CNTN4: variants seen among roughly 807,000 people sequenced by gnomAD.
CNTN4 encodes contactin-4.
In CNTN4, 77 loss-of-function variants were observed where a neutral mutation model predicts 122.5. The ratio of observed to expected loss-of-function variants is 0.63; its 90% CI spans 0.52 to 0.76. CNTN4 has a LOEUF of 0.76. CNTN4 is among the 30% of genes least tolerant of loss of function. The pLI, the probability that CNTN4 is intolerant of heterozygous loss-of-function variation, is 0.00. For missense variants in CNTN4, 1,256 were observed against 1,259.1 expected, an observed-to-expected ratio of 1.00 and a Z score of 0.04; for synonymous variants, 512 against 447.0, an observed-to-expected ratio of 1.15 and a Z score of -1.83.
intron 4 of CNTN4, among the ~76,000 whole-genome samples, chr3:2,700,070 G>A (rs1013699198): frequency 3.3e-5 from 5 of 152,034 alleles, no homozygotes; most frequent in African/African-American, 1.2e-4. Context: ...TTCACGAAGT[G>A]CATGCACTAC....
At chr3:2,335,584 GTTT>G (rs66498510) in intron 2 of CNTN4, among the ~76,000 whole-genome samples, 96,997 of 145,432 alleles carry the variant, frequency 0.67, 32,753 homozygotes, top group East Asian at 0.93. Flanking sequence ...AATTCTGTGG[GTTT>G]TTTTTTTTTT....
intron 13 of CNTN4, among the ~76,000 whole-genome samples, chr3:2,927,846 T>A (rs2094487543): frequency 6.6e-6 from 1 of 152,232 alleles, no homozygotes; most frequent in Non-Finnish European, 1.5e-5. Flanking sequence ...ATTTATCGCC[T>A]CCACCTTCTC....
chr3:2,337,080 A>C (rs960261294), intron 2 of CNTN4, among the ~76,000 whole-genome samples: 3 of 152,118 alleles, frequency 2.0e-5, no homozygotes, highest in Non-Finnish European at 4.4e-5. Flanking sequence ...ATTGTTTCAG[A>C]GGCCTTCTTG....
chr3:2,341,349 C>A (rs947395096), intron 3 of CNTN4, among the ~76,000 whole-genome samples: 3 of 152,096 alleles, frequency 2.0e-5, no homozygotes, highest in African/African-American at 7.2e-5. Context: ...ATTATCTTAC[C>A]CTCCCACTGT....
Position 3,040,167 on chromosome 3 carries a change from A to C in CNTN4, c.2294A>C (p.Glu765Ala). The C allele has an allele frequency of 6.2e-7, 1 of 1,614,218 alleles. No individual in the cohort carries two copies. Among genetic ancestry groups the C allele is most frequent in the South Asian group, 1.1e-5 (1 of 91,086 alleles). Reference sequence around the variant, plus strand: ...GCCTCTAGATACGTGTTCAGGAATGAGAGCGTGCACCCCTTCTCTCCCTTT... The same window carrying C: ...GCCTCTAGATACGTGTTCAGGAATGCGAGCGTGCACCCCTTCTCTCCCTTT... ...ADASRYVFRNESVHPFSPFEV... is the reference protein window; with the variant it reads ...ADASRYVFRNASVHPFSPFEV... The change falls in exon 20 of 25, where the codon GAG (glutamate) becomes GCG (alanine). Residue 765 changes from glutamate to alanine, a missense_variant. Coordinates refer to ENST00000418658, the MANE Select transcript of CNTN4 (RefSeq NM_175607.3).
intron 3 of CNTN4, among the ~76,000 whole-genome samples, chr3:2,548,224 G>T (rs2078329134): frequency 6.6e-6 from 1 of 152,072 alleles, no homozygotes; most frequent in Non-Finnish European, 1.5e-5. Context: ...ATTGCTTTTG[G>T]TGTTTTAGTC....
intron 4 of CNTN4, among the ~76,000 whole-genome samples, chr3:2,675,865 T>C (rs937422914): frequency 6.6e-6 from 1 of 152,220 alleles, no homozygotes; most frequent in African/African-American, 2.4e-5. Flanking sequence ...TTGTTTCTCA[T>C]ATCAACCTCA....
chr3:2,575,798 T>G (rs1185049821), intron 4 of CNTN4, among the ~76,000 whole-genome samples: 1 of 112,076 alleles, frequency 8.9e-6, no homozygotes, highest in Non-Finnish European at 1.7e-5. Flanking sequence ...ATATTTTGCT[T>G]TCTTCTTCTT....
chr3:2,930,843 G>A (rs1205139147), intron 13 of CNTN4, among the ~76,000 whole-genome samples: 5 of 152,140 alleles, frequency 3.3e-5, no homozygotes, highest in Non-Finnish European at 5.9e-5. Context: ...AGCCCTCACG[G>A]TGCTCATAGA....
intron 2 of CNTN4, among the ~76,000 whole-genome samples, chr3:2,253,723 C>G (rs747932895): frequency 1.6e-4 from 24 of 151,766 alleles, no homozygotes; most frequent in Non-Finnish European, 2.6e-4. Context: ...CTCACTGCAG[C>G]CTTAACCTCC....
intron 2 of CNTN4, among the ~76,000 whole-genome samples, chr3:2,139,898 T>C (rs1281098796): frequency 1.3e-5 from 2 of 152,250 alleles, no homozygotes; most frequent in African/African-American, 2.4e-5. Flanking sequence ...TTTGTCTGTG[T>C]ACCCACCCAA....
intron 2 of CNTN4, among the ~76,000 whole-genome samples, chr3:2,226,957 C>G (rs575644647): frequency 6.6e-6 from 1 of 152,096 alleles, no homozygotes; most frequent in South Asian, 2.1e-4. Context: ...GAAATTGAGG[C>G]ACAGAGTGTT....
chr3:2,169,518 T>C (rs564077606), intron 2 of CNTN4, among the ~76,000 whole-genome samples: 62 of 151,436 alleles, frequency 4.1e-4, no homozygotes, highest in Middle Eastern at 3.4e-3. Context: ...GCCATTCTCC[T>C]GCCTCAGCCT....
chr3:2,393,677 C>G (rs1284287840), intron 3 of CNTN4, among the ~76,000 whole-genome samples: 2 of 151,994 alleles, frequency 1.3e-5, no homozygotes, highest in Non-Finnish European at 2.9e-5. Context: ...TTACATAAAT[C>G]TTATGATGTT....
chr3:2,844,924 G>A (rs763915273), intron 7 of CNTN4, among the ~76,000 whole-genome samples: 5 of 152,130 alleles, frequency 3.3e-5, no homozygotes, highest in Admixed American at 6.5e-5. Flanking sequence ...GGTAGGCTAC[G>A]CTCAGGTGAA....
At chr3:2,325,512 C>T (rs976476532) in intron 2 of CNTN4, among the ~76,000 whole-genome samples, 2 of 152,200 alleles carry the variant, frequency 1.3e-5, no homozygotes, top group Non-Finnish European at 2.9e-5. Flanking sequence ...CCTGAGTCTT[C>T]ATCAAGTTCT....
At chr3:2,875,789 A>G (rs148188875) in intron 8 of CNTN4, among the ~76,000 whole-genome samples, 299 of 152,336 alleles carry the variant, frequency 2.0e-3, no homozygotes, top group African/African-American at 6.6e-3. Context: ...GTTTAGTTCA[A>G]TACAACATGG....
At chr3:2,299,018 CG>C (rs1553618753) in intron 2 of CNTN4, among the ~76,000 whole-genome samples, 2 of 152,092 alleles carry the variant, frequency 1.3e-5, no homozygotes, top group South Asian at 4.1e-4. Flanking sequence ...TTTCACCTGT[CG>C]GGGGGTTTTT....
At chr3:2,626,217 T>C (rs535642890) in intron 4 of CNTN4, among the ~76,000 whole-genome samples, 1 of 152,294 alleles carries the variant, frequency 6.6e-6, no homozygotes, top group South Asian at 2.1e-4. Flanking sequence ...TCTTTATGAT[T>C]GTACTTTGTG....
Sources: gnomAD v4.1 joint callset for allele counts (sites outside exome capture counted in the v4.1 genomes callset) on GRCh38, gnomAD v4.1.1 for gene constraint, MANE v1.5 for transcripts, NCBI Gene and HGNC (gene_info 2026-07-23, HGNC 2026-07-21) for gene names.